Variants in THOC1 observed in about 807,000 individuals in gnomAD.
The protein encoded by THOC1 is THO complex 1.
In THOC1, 29 loss-of-function variants were observed where a neutral mutation model predicts 97.3. The observed-to-expected ratio is 0.30, with a 90% CI of 0.22 to 0.41. The LOEUF (loss-of-function observed/expected upper bound fraction) is 0.41. THOC1 is among the 10% of genes least tolerant of loss of function. The pLI, the probability that THOC1 is intolerant of heterozygous loss-of-function variation, is 1.00. For missense variants in THOC1, 529 were observed against 761.9 expected, an observed-to-expected ratio of 0.69 and a Z score of 3.60; for synonymous variants, 255 against 257.0, an observed-to-expected ratio of 0.99 and a Z score of 0.07.
rs530975151 is a variant in THOC1 at position 221,753 on chromosome 18, C to T, written c.1370+1687G>A. On this transcript the variant is annotated intron_variant, in intron 17 of 20. Transcript: ENST00000261600. ...CCTCCCAAGTAGCTGAGACTACAGG[C>T]GCCTGCCACCACACTTGGCTAATTT... is the stretch of plus-strand genomic sequence containing the variant. Among the ~76,000 whole-genome samples the T allele has an allele frequency of 2.7e-3, 409 of 152,064 alleles. 3 individuals carry two copies. Among genetic ancestry groups the T allele is most frequent in the Middle Eastern group, 3.4e-3 (1 of 294 alleles).
chr18:250,839 T>C (rs1912254993), intron 9 of THOC1, among the ~76,000 whole-genome samples: 2 of 152,162 alleles, frequency 1.3e-5, no homozygotes, highest in South Asian at 4.1e-4. Context: ...TTAGGCAAAA[T>C]CTAAGCAGAC....
chr18:220,113 C>G (rs554795161), intron 17 of THOC1, among the ~76,000 whole-genome samples: 2 of 152,238 alleles, frequency 1.3e-5, no homozygotes, highest in East Asian at 3.9e-4. Flanking sequence ...TATGAACATG[C>G]CCCAAGTTAT....
chr18:246,111 CTT>C (rs1458455060), intron 11 of THOC1: 1 of 388,370 alleles, frequency 2.6e-6, no homozygotes, highest in Non-Finnish European at 4.6e-6. Flanking sequence ...ACAAAACAGA[CTT>C]AATGTAGAAC....
intron 11 of THOC1, chr18:244,434 T>A (rs986603743): frequency 6.6e-6 from 1 of 152,156 alleles, no homozygotes; most frequent in African/African-American, 2.4e-5. Flanking sequence ...AAAAATGTCT[T>A]TCTTTCATCG....
chr18:262,201 T>C (rs1912626467), intron 4 of THOC1, among the ~76,000 whole-genome samples: 1 of 152,228 alleles, frequency 6.6e-6, no homozygotes, highest in Admixed American at 6.5e-5. Flanking sequence ...ATCTATGCTT[T>C]TGAAGCACAC....
intron 11 of THOC1, among the ~76,000 whole-genome samples, chr18:238,041 A>C (rs1344558360): frequency 6.6e-6 from 1 of 151,656 alleles, no homozygotes; most frequent in Admixed American, 6.6e-5. Context: ...TAATTTTTGT[A>C]TTTTGTGGAG....
chr18:239,415 C>T (rs1911819462), intron 11 of THOC1, among the ~76,000 whole-genome samples: 1 of 152,266 alleles, frequency 6.6e-6, no homozygotes, highest in Middle Eastern at 3.4e-3. Context: ...CGCAATTCTC[C>T]TACCTCAGCC....
intron 10 of THOC1, 22 bp downstream of exon 10, chr18:247,827 T>C (rs1457010100): frequency 2.8e-6 from 4 of 1,420,526 alleles, no homozygotes; most frequent in African/African-American, 1.4e-5. Flanking sequence ...GGGCTTCTGA[T>C]AGTCTGTCAA....
intron 11 of THOC1, among the ~76,000 whole-genome samples, chr18:233,782 CT>C (rs1911577326): frequency 6.6e-6 from 1 of 152,152 alleles, no homozygotes; most frequent in Non-Finnish European, 1.5e-5. Flanking sequence ...AGTGTTCCCG[CT>C]TTCTTCATGG....
At chr18:226,967 C>T in intron 11 of THOC1, 66 bp from the exon 12 acceptor site, 1 of 1,217,970 alleles carries the variant, frequency 8.2e-7, no homozygotes, top group Non-Finnish European at 1.2e-6. Context: ...CCTAAAGGTA[C>T]AAAATGTGCT....
intron 5 of THOC1, 130 bp downstream of exon 5, chr18:260,056 A>AT (rs1912555328): frequency 1.6e-6 from 1 of 613,636 alleles, no homozygotes; most frequent in Non-Finnish European, 2.7e-6. Context: ...GCAGTATATA[A>AT]TTTTTTCATA....
In THOC1 at chr18:246,742, G is replaced by A. The variant is rs527835619; in HGVS notation, c.787-287C>T. ...CTGTAATCCCAGCACTTCGGGAGGC[G>A]GAGGGGGGCGGGTAACTTGAGATCA... On this transcript the variant is annotated intron_variant, in intron 10 of 20. Coordinates refer to ENST00000261600, the MANE Select transcript of THOC1 (RefSeq NM_005131.3). 2.8e-4 allele frequency among the ~76,000 whole-genome samples: 43 copies of A among 151,960 alleles called. No homozygotes were observed. The Middle Eastern group carries it at 0.014, about 48-fold the overall frequency.
intron 11 of THOC1, among the ~76,000 whole-genome samples, chr18:228,812 A>G (rs766624425): frequency 6.6e-6 from 1 of 152,220 alleles, no homozygotes; most frequent in Non-Finnish European, 1.5e-5. Context: ...TTACACAGCT[A>G]TGCAGAAGGC....
In THOC1 at chr18:267,625, C is replaced by T. The variant is rs9944541; in HGVS notation, c.54+341G>A. Among the ~76,000 whole-genome samples, 1,162 of 152,278 alleles carry T rather than the reference C, an allele frequency of 7.6e-3. 11 individuals carry two copies. Among genetic ancestry groups the T allele is most frequent in the African/African-American group, 0.026 (1,092 of 41,560 alleles). On this transcript the variant is annotated intron_variant, in intron 1 of 20. Coordinates refer to ENST00000261600, the MANE Select transcript of THOC1 (RefSeq NM_005131.3). ...CCCACCCTCCCCCTTCAGCAGCTCC[C>T]CTTCCCCTTCTCGAGACACCTGCCC...
chr18:218,108 G>A (rs1374722193), intron 18 of THOC1, among the ~76,000 whole-genome samples: 2 of 152,196 alleles, frequency 1.3e-5, no homozygotes, highest in East Asian at 3.9e-4. Context: ...GGTCACACTA[G>A]TCACAAATAC....
chr18:216,723 A>C (rs1356428387), intron 18 of THOC1, 90 bp from the exon 19 acceptor site: 27 of 1,423,748 alleles, frequency 1.9e-5, no homozygotes, highest in Non-Finnish European at 2.4e-5. Flanking sequence ...TTCTGTATTT[A>C]AGGTAAATAG....
Position 247,846 on chromosome 18 carries a change from T to C in THOC1, c.786+3A>G, listed in dbSNP as rs758068471. On this transcript the variant is annotated splice_donor_region_variant and intron_variant, in intron 10 of 20. Coordinates refer to ENST00000261600, the MANE Select transcript of THOC1 (RefSeq NM_005131.3). ...TTCTGATAGTCTGTCAATGGCAACT[T>C]ACCTTGAGAAAAGTTTTCCATGAAA... 28 of 1,591,886 alleles carry C rather than the reference T, an allele frequency of 1.8e-5. No individual in the cohort carries two copies. Among genetic ancestry groups the C allele is most frequent in the Non-Finnish European group, 2.2e-5 (26 of 1,163,628 alleles).
At chr18:225,255 T>TA in intron 13 of THOC1, 82 bp downstream of exon 13, 1 of 1,560,216 alleles carries the variant, frequency 6.4e-7, no homozygotes, top group Non-Finnish European at 8.8e-7. Context: ...ACTTTATCCT[T>TA]ATTTTCCTAT....
In THOC1 at chr18:259,167, C is replaced by T. The variant is rs2143293118; in HGVS notation, c.520+13G>A. The T allele has an allele frequency of 6.3e-7, 1 of 1,594,118 alleles. No individual in the cohort carries two copies. The highest frequency in any genetic ancestry group is 8.6e-7 in the Non-Finnish European group (1 of 1,166,344). ...TTTCCTGCAGAAAACTCATTTAATG[C>T]ATAAAAGCTTACCTGATTTCTCAGA... On this transcript the variant is annotated intron_variant, in intron 7 of 20. Transcript: ENST00000261600.
Sources: allele counts gnomAD v4.1 joint callset (sites outside exome capture counted in the v4.1 genomes callset), GRCh38; gene constraint gnomAD v4.1.1; transcripts MANE v1.5; gene names NCBI Gene and HGNC (gene_info 2026-07-23, HGNC 2026-07-21).